OXCT1: variants seen among roughly 807,000 people sequenced by gnomAD.
OXCT1 encodes the protein succinyl-CoA:3-ketoacid coenzyme A transferase 1, mitochondrial.
In OXCT1, 27 loss-of-function variants were observed where a neutral mutation model predicts 69.6. The ratio of observed to expected loss-of-function variants is 0.39; its 90% confidence interval spans 0.29 to 0.54. The LOEUF (loss-of-function observed/expected upper bound fraction) is 0.54, where lower values mean the gene tolerates loss of function less well. OXCT1 is among the 20% of genes least tolerant of loss of function. The pLI is 0.72. For missense variants in OXCT1, 437 were observed against 650.2 expected, an observed-to-expected ratio of 0.67 and a Z score of 3.57; for synonymous variants, 202 against 217.8, an observed-to-expected ratio of 0.93 and a Z score of 0.64.
At chr5:41,805,346 A>G (rs1165844665) in intron 9 of OXCT1, among the ~76,000 whole-genome samples, 1 of 151,720 alleles carries the variant, frequency 6.6e-6, no homozygotes, top group South Asian at 2.1e-4. Context: ...CAAATTATTG[A>G]TTGCCATTTT....
At chr5:41,835,945 CA>C (rs11357997) in intron 7 of OXCT1, among the ~76,000 whole-genome samples, 33,736 of 150,342 alleles carry the variant, frequency 0.22, 3,868 homozygotes, top group Middle Eastern at 0.31. Flanking sequence ...CAGGCTCCTT[CA>C]AAAAAAAACA....
At position 41,785,139 on chromosome 5, in the gene OXCT1, C is replaced by A. The variant is rs76251221; in HGVS notation, c.1248+8864G>T. Among the ~76,000 whole-genome samples, 929 of 152,254 alleles carry A rather than the reference C, an allele frequency of 6.1e-3. 9 individuals are homozygous for A. Among genetic ancestry groups the A allele is most frequent in the African/African-American group, 0.021 (885 of 41,542 alleles). On this transcript the variant is annotated intron_variant, in intron 13 of 16. Coordinates refer to ENST00000196371, the MANE Select transcript of OXCT1 (RefSeq NM_000436.4). ...TGCCTTTCTAAAAAAAATGCATGCC[C>A]ATTTGTTAAATCACTGTATAAGAGG... is the stretch of plus-strand genomic sequence containing the variant.
At chr5:41,737,623 T>G (rs935729288) in intron 16 of OXCT1, among the ~76,000 whole-genome samples, 2 of 152,220 alleles carry the variant, frequency 1.3e-5, no homozygotes, top group African/African-American at 4.8e-5. Flanking sequence ...ATTAAAGATG[T>G]GCTTTTCATG....
At chr5:41,820,823 G>A (rs1252978089) in intron 7 of OXCT1, among the ~76,000 whole-genome samples, 1 of 151,982 alleles carries the variant, frequency 6.6e-6, no homozygotes, top group Non-Finnish European at 1.5e-5. Flanking sequence ...CTTCACAATT[G>A]ACCTTACTTT....
chr5:41,763,052 T>A (rs750988939), intron 13 of OXCT1, among the ~76,000 whole-genome samples: 1 of 152,160 alleles, frequency 6.6e-6, no homozygotes, highest in Non-Finnish European at 1.5e-5. Context: ...TTAGCCCAAG[T>A]CCTCTTGCTG....
At chr5:41,786,169 C>T (rs1244261801) in intron 13 of OXCT1, among the ~76,000 whole-genome samples, 3 of 152,080 alleles carry the variant, frequency 2.0e-5, no homozygotes, top group Non-Finnish European at 4.4e-5. Flanking sequence ...AGCATCCAGC[C>T]ATCACCCATA....
At chr5:41,778,224 CTTA>C (rs1232309681) in intron 13 of OXCT1, among the ~76,000 whole-genome samples, 1 of 152,144 alleles carries the variant, frequency 6.6e-6, no homozygotes, top group Non-Finnish European at 1.5e-5. Flanking sequence ...GATGGAATAT[CTTA>C]TTATCTAAAA....
intron 16 of OXCT1, among the ~76,000 whole-genome samples, chr5:41,736,446 T>C (rs937660349): frequency 3.3e-5 from 5 of 152,072 alleles, no homozygotes; most frequent in African/African-American, 1.2e-4. Flanking sequence ...AAAAATCATA[T>C]TTTTTCCACT....
chr5:41,785,405 G>A (rs1176560235), intron 13 of OXCT1, among the ~76,000 whole-genome samples: 1 of 152,180 alleles, frequency 6.6e-6, no homozygotes, highest in Admixed American at 6.5e-5. Flanking sequence ...CTGAATATGA[G>A]CTTGAATTGG....
intron 9 of OXCT1, 125 bp downstream of exon 9, chr5:41,805,442 G>T: frequency 1.6e-5 from 10 of 644,358 alleles, no homozygotes; most frequent in Middle Eastern, 2.7e-4. Flanking sequence ...AAAAAAAATT[G>T]ATTAATTACC....
intron 11 of OXCT1, among the ~76,000 whole-genome samples, chr5:41,798,699 ATG>A (rs1746290862): frequency 6.6e-6 from 1 of 152,250 alleles, no homozygotes; most frequent in African/African-American, 2.4e-5. Flanking sequence ...GAAATGAAGA[ATG>A]CAAAATGCAC....
At chr5:41,749,697 G>C in intron 14 of OXCT1, 90 bp from the exon 15 acceptor site, 2 of 819,248 alleles carry the variant, frequency 2.4e-6, no homozygotes, top group South Asian at 2.9e-5. Context: ...GAAACTATCA[G>C]AGAAATTGTC....
chr5:41,791,968 A>C (rs1178175841), intron 13 of OXCT1, among the ~76,000 whole-genome samples: 2 of 151,868 alleles, frequency 1.3e-5, no homozygotes, highest in Non-Finnish European at 2.9e-5. Context: ...ACGCCCGGCT[A>C]ATTTTTTGTA....
In OXCT1 at chr5:41,861,382, T is replaced by C; in HGVS notation, c.210A>G (p.Pro70=). 1 of 1,611,728 alleles carries C rather than the reference T, an allele frequency of 6.2e-7. No homozygotes were observed. Among genetic ancestry groups the C allele is most frequent in the Non-Finnish European group, 8.5e-7 (1 of 1,178,090 alleles). ...LVGGFGLCGI[P]ENLIDALLKT... ...TCAGTAAAGCATCTATAAGATTCTCTGGAATTCCACATAGCCCAAAACCTA... is the reference window on the plus strand; with the variant it reads ...TCAGTAAAGCATCTATAAGATTCTCCGGAATTCCACATAGCCCAAAACCTA... The change falls in exon 3 of 17, where the codon CCA becomes CCG. Residue 70 remains proline, a synonymous_variant. Transcript: ENST00000196371.
Position 41,870,178 on chromosome 5 carries a change from G to T in OXCT1, c.78+103C>A. 1.1e-6 allele frequency: 1 copy of T among 925,918 alleles called. No individual in the cohort carries two copies. Among genetic ancestry groups the T allele is most frequent in the Non-Finnish European group, 1.7e-6 (1 of 572,016 alleles). 57.4% of individuals were successfully genotyped at this position (925,918 alleles called of 1,614,324 possible). A position where few individuals can be genotyped will look rare whatever the true frequency, so the allele number is the denominator to read the frequency against. The stretch of plus-strand genomic sequence containing the variant: ...ACCGCGCCACGGATGCCAGATCCCA[G>T]GCTGGAGAGAGCGGGTAGGGGCAGA... On this transcript the variant is annotated intron_variant, in intron 1 of 16. Coordinates refer to ENST00000196371, the MANE Select transcript of OXCT1 (RefSeq NM_000436.4). The surrounding 1 kb of genome is among the most constrained non-coding windows in gnomAD (Gnocchi z 4.2).
At chr5:41,794,588 CTG>C (rs1289395020) in intron 12 of OXCT1, 87 bp downstream of exon 12, 2 of 1,174,500 alleles carry the variant, frequency 1.7e-6, no homozygotes, top group Admixed American at 1.8e-5. Context: ...GGAAATGTGG[CTG>C]TGTTTCAGAG....
rs1387674519 is a variant in OXCT1 at position 41,861,379 on chromosome 5, C to T, written c.213G>A (p.Glu71=). The T allele has an allele frequency of 6.2e-7, 1 of 1,612,080 alleles. No individual in the cohort carries two copies. Among genetic ancestry groups the T allele is most frequent in the Admixed American group, 1.7e-5 (1 of 60,014 alleles). ...VGGFGLCGIP[E]NLIDALLKTG... ...TTTTCAGTAAAGCATCTATAAGATT[C>T]TCTGGAATTCCACATAGCCCAAAAC... The change falls in exon 3 of 17, where the codon GAG becomes GAA. Residue 71 remains glutamate (E), a synonymous_variant. Coordinates refer to ENST00000196371, the MANE Select transcript of OXCT1 (RefSeq NM_000436.4).
In OXCT1 at chr5:41,758,765, A is replaced by G. The variant is rs141403774; in HGVS notation, c.1338+3346T>C. The stretch of plus-strand genomic sequence containing the variant: ...GGCTGCTGCTGCAGTCAAGGCCTTT[A>G]TCAGACAGAGGGGGCATAGAAAATT... On this transcript the variant is annotated intron_variant, in intron 14 of 16. Coordinates refer to ENST00000196371, the MANE Select transcript of OXCT1 (RefSeq NM_000436.4). Among the ~76,000 whole-genome samples the G allele has an allele frequency of 2.0e-5, 3 of 152,256 alleles. No individual in the cohort carries two copies. In the East Asian group the frequency reaches 5.8e-4, roughly 30 times the overall value.
chr5:41,805,305 G>C (rs542348054), intron 9 of OXCT1, among the ~76,000 whole-genome samples: 30 of 151,820 alleles, frequency 2.0e-4, no homozygotes, highest in Admixed American at 1.6e-3. Flanking sequence ...AAGTTGTACT[G>C]AAATCTAATG....
Sources: gnomAD v4.1 joint callset for allele counts (sites outside exome capture counted in the v4.1 genomes callset) on GRCh38, gnomAD v4.1.1 for gene constraint, Gnocchi (gnomAD v3.1) non-coding constraint, MANE v1.5 for transcripts, NCBI Gene and HGNC (gene_info 2026-07-23, HGNC 2026-07-21) for gene names.